The following AJAP1 variants were observed in gnomAD, a reference collection of about 807,000 sequenced individuals.
The protein encoded by AJAP1 is adherens junction-associated protein 1.
Under a neutral mutation model 35.0 loss-of-function variants are expected in AJAP1, and 5 were observed. That is an observed-to-expected ratio of 0.14 (90% CI 0.07 to 0.30). The LOEUF (loss-of-function observed/expected upper bound fraction) is 0.30, where lower values mean the gene tolerates loss of function less well. AJAP1 is among the 10% of genes least tolerant of loss of function. AJAP1 has a pLI of 1.00. For synonymous variants in AJAP1, 284 were observed against 249.3 expected, an observed-to-expected ratio of 1.14 and a Z score of -1.31; for missense variants, 586 against 571.0, an observed-to-expected ratio of 1.03 and a Z score of -0.27.
intron 2 of AJAP1, among the ~76,000 whole-genome samples, chr1:4,735,446 A>G (rs1640898603): frequency 6.6e-6 from 1 of 152,126 alleles, no homozygotes; most frequent in Admixed American, 6.5e-5. Context: ...TCGCCCATCC[A>G]ATTTTGCAGG....
At chr1:4,772,170 G>C in intron 3 of AJAP1, 110 bp from the exon 4 acceptor site, 1 of 1,369,626 alleles carries the variant, frequency 7.3e-7, no homozygotes, top group South Asian at 1.3e-5. Context: ...AATATGAAAT[G>C]ATGCGTAGCT....
chr1:4,779,509 A>C (rs1252816907), intron 5 of AJAP1, among the ~76,000 whole-genome samples: 1 of 152,030 alleles, frequency 6.6e-6, no homozygotes, highest in East Asian at 1.9e-4. Context: ...AGCCAGACAG[A>C]CGCAATGGTT....
intron 2 of AJAP1, among the ~76,000 whole-genome samples, chr1:4,731,674 G>T (rs1640798857): frequency 6.6e-6 from 1 of 152,212 alleles, no homozygotes; most frequent in South Asian, 2.1e-4. Flanking sequence ...AACAGAGCTG[G>T]CTCATTCCAA....
intron 5 of AJAP1, chr1:4,777,690 C>CTTTGCATATGACTTTTA (rs1363322849): frequency 6.6e-6 from 1 of 152,174 alleles, no homozygotes; most frequent in Non-Finnish European, 1.5e-5. Flanking sequence ...TGAACGGAGC[C>CTTTGCATATGACTTTTA]TGCAAAGTCA....
At position 4,723,281 on chromosome 1, in the gene AJAP1, C is replaced by T. The variant is rs1479727766; in HGVS notation, c.829+10582C>T. Among the ~76,000 whole-genome samples, 1 of 152,184 alleles carries T rather than the reference C, an allele frequency of 6.6e-6. No individual in the cohort carries two copies. Among genetic ancestry groups the T allele is most frequent in the Non-Finnish European group, 1.5e-5 (1 of 68,036 alleles). ...TTGTGACATCCAGCCACCCTGGCGGCCGTCCAAGGGGAGCGCCTGTGGATA... is the reference window on the plus strand; with the variant it reads ...TTGTGACATCCAGCCACCCTGGCGGTCGTCCAAGGGGAGCGCCTGTGGATA... On this transcript the variant is annotated intron_variant, in intron 2 of 5. Coordinates refer to ENST00000378191, the MANE Select transcript of AJAP1 (RefSeq NM_018836.4). This position sits in a 1 kb window ranked among gnomAD's most constrained non-coding sequence, Gnocchi z 4.3.
At position 4,774,462 on chromosome 1, in the gene AJAP1, C is replaced by T. The variant is rs773615241; in HGVS notation, c.1199C>T (p.Ala400Val). ...SSSDRHLIPV[A>V]FVSEKWFEIS... ...TCTGATCGGCATCTTATTCCTGTGG[C>T]CTTCGTGTCTGAGAAATGGTTTGAA... Residue 400 changes from alanine (A) to valine (V), a missense_variant, in exon 5 of 6, where the codon GCC becomes GTC. Coordinates refer to ENST00000378191, the MANE Select transcript of AJAP1 (RefSeq NM_018836.4). 1 of 1,614,114 alleles carries T rather than the reference C, an allele frequency of 6.2e-7. No individual in the cohort carries two copies. The highest frequency in any genetic ancestry group is 1.3e-5 in the African/African-American group (1 of 74,948).
chr1:4,658,952 A>C (rs1461955369), intron 1 of AJAP1, among the ~76,000 whole-genome samples: 1 of 152,140 alleles, frequency 6.6e-6, no homozygotes, highest in Non-Finnish European at 1.5e-5. Context: ...ACCCCAACCC[A>C]GTCTCCACTT....
chr1:4,717,949 G>T (rs1312621172), intron 2 of AJAP1, among the ~76,000 whole-genome samples: 2 of 152,208 alleles, frequency 1.3e-5, no homozygotes, highest in Non-Finnish European at 2.9e-5. Flanking sequence ...AAAGATATTT[G>T]AAGCAAATGA....
At chr1:4,766,299 C>G (rs1371669405) in intron 2 of AJAP1, among the ~76,000 whole-genome samples, 1 of 152,162 alleles carries the variant, frequency 6.6e-6, no homozygotes, top group Non-Finnish European at 1.5e-5. Context: ...CTATCTGGTC[C>G]TTTAAGAAAA....
chr1:4,698,179 C>A (rs377433142), intron 1 of AJAP1, among the ~76,000 whole-genome samples: 1 of 152,118 alleles, frequency 6.6e-6, no homozygotes, highest in Non-Finnish European at 1.5e-5. Flanking sequence ...CGTGTTTCCC[C>A]GTCACTATGT....
chr1:4,655,557 C>A lies in AJAP1; in HGVS notation c.29+103C>A. The stretch of plus-strand genomic sequence containing the variant: ...TTGCAAATCAAGGGACCCCTCTTCG[C>A]TTCCCGCAAGCGGGCAACGGGGTGC... On this transcript the variant is annotated intron_variant, in intron 1 of 5. Transcript: ENST00000378191. This position sits in a 1 kb window ranked among gnomAD's most constrained non-coding sequence, Gnocchi z 6.9. 1.4e-6 allele frequency: 2 copies of A among 1,415,528 alleles called. No homozygotes were observed. The highest frequency in any genetic ancestry group is 1.3e-5 in the South Asian group (1 of 78,380). The allele number at this position is 1,415,528 out of a possible 1,614,324, so 87.7% of individuals were successfully genotyped here. A position where few individuals can be genotyped will look rare whatever the true frequency, so the allele number is the denominator to read the frequency against.
At position 4,654,797 on chromosome 1, in the gene AJAP1, G is replaced by C. The variant is rs1329215907; in HGVS notation, c.-629G>C. On this transcript the variant is annotated 5_prime_UTR_variant, in exon 1 of 6. Transcript: ENST00000378191. The surrounding 1 kb of genome is among the most constrained non-coding windows in gnomAD (Gnocchi z 5.1). ...TCGTGCCCGCCTCCTGCCAGTCTCC[G>C]GGCCGCGGCCGTCTGCAGAGCGAGC... 2 of 150,306 alleles carry C rather than the reference G, an allele frequency of 1.3e-5. No individual in the cohort carries two copies. Among genetic ancestry groups the C allele is most frequent in the Non-Finnish European group, 3.0e-5 (2 of 67,528 alleles). The allele number at this position is 150,306 out of a possible 1,614,324, so 9.3% of individuals were successfully genotyped here. A position where few individuals can be genotyped will look rare whatever the true frequency, so the allele number is the denominator to read the frequency against.
intron 1 of AJAP1, among the ~76,000 whole-genome samples, chr1:4,702,571 C>A (rs1640012278): frequency 6.6e-6 from 1 of 152,188 alleles, no homozygotes; most frequent in South Asian, 2.1e-4. Context: ...AGGAAAATGC[C>A]TTGGAGTGGA....
intron 2 of AJAP1, among the ~76,000 whole-genome samples, chr1:4,749,243 G>A (rs979754890): frequency 6.6e-6 from 1 of 152,176 alleles, no homozygotes; most frequent in African/African-American, 2.4e-5. Flanking sequence ...AACCATATCA[G>A]GCGGACACAC....
chr1:4,667,509 C>A (rs150861158), intron 1 of AJAP1, among the ~76,000 whole-genome samples: 4 of 152,342 alleles, frequency 2.6e-5, no homozygotes, highest in African/African-American at 9.6e-5. Flanking sequence ...CACCTCAGAT[C>A]ATCAGGCATT....
chr1:4,722,300 T>C (rs1005121945), intron 2 of AJAP1, among the ~76,000 whole-genome samples: 1 of 152,126 alleles, frequency 6.6e-6, no homozygotes, highest in Non-Finnish European at 1.5e-5. Context: ...GCGGGGCAGG[T>C]GCAAGTTCAC....
intron 2 of AJAP1, among the ~76,000 whole-genome samples, chr1:4,751,396 A>G (rs972216674): frequency 2.6e-5 from 4 of 152,256 alleles, no homozygotes; most frequent in Non-Finnish European, 4.4e-5. Context: ...AGGAGCTAGC[A>G]GAGAGGTCCC....
At chr1:4,713,093 C>G (rs567468353) in intron 2 of AJAP1, among the ~76,000 whole-genome samples, 6 of 152,116 alleles carry the variant, frequency 3.9e-5, no homozygotes, top group Non-Finnish European at 7.3e-5. Context: ...TTGCCCGTCT[C>G]GTGATACAAT....
intron 1 of AJAP1, among the ~76,000 whole-genome samples, chr1:4,696,903 T>G (rs779007351): frequency 6.6e-6 from 1 of 150,750 alleles, no homozygotes; most frequent in Non-Finnish European, 1.5e-5. Context: ...TGCATATGAC[T>G]GTGTACATGC....
Sources: gnomAD v4.1 joint callset for allele counts (sites outside exome capture counted in the v4.1 genomes callset) on GRCh38, gnomAD v4.1.1 for gene constraint, Gnocchi (gnomAD v3.1) non-coding constraint, MANE v1.5 for transcripts, NCBI Gene and HGNC (gene_info 2026-07-23, HGNC 2026-07-21) for gene names.